TRIP11: variants seen among roughly 807,000 people sequenced by gnomAD.
TRIP11 encodes thyroid receptor-interacting protein 11.
In TRIP11, 148 loss-of-function variants were observed where a neutral mutation model predicts 223.1. The ratio of observed to expected loss-of-function variants is 0.66; its 90% CI spans 0.58 to 0.76. The LOEUF is 0.76. TRIP11 is among the 30% of genes least tolerant of loss of function. The probability of loss-of-function intolerance (pLI) is 0.00; values close to 1 mark genes in which losing one functional copy is unlikely to be tolerated. For synonymous variants in TRIP11, 762 were observed against 772.6 expected (o/e 0.99, Z 0.23); for missense variants, 2,043 against 2,222.0 (o/e 0.92, Z 1.62).
At chr14:92,010,893 T>C in intron 9 of TRIP11, 93 bp downstream of exon 9, 1 of 1,172,208 alleles carries the variant, frequency 8.5e-7, no homozygotes, top group Non-Finnish European at 1.3e-6. Flanking sequence ...TTGAGCTCAA[T>C]TACTCAACAT....
At chr14:91,977,667 T>G (rs1420700392) in intron 16 of TRIP11, among the ~76,000 whole-genome samples, 3 of 152,004 alleles carry the variant, frequency 2.0e-5, no homozygotes, top group Non-Finnish European at 4.4e-5. Context: ...GCCCTCACCT[T>G]TCATGTCTCT....
In TRIP11 at chr14:92,015,711, T is replaced by C. The variant is rs1269596445; in HGVS notation, c.808A>G (p.Asn270Asp). 1 of 1,610,294 alleles carries C rather than the reference T, an allele frequency of 6.2e-7. No individual in the cohort carries two copies. The highest frequency in any genetic ancestry group is 8.5e-7 in the Non-Finnish European group (1 of 1,178,872). ...DYEERIEELE[N>D]LLQQGGSGVI... The stretch of plus-strand genomic sequence containing the variant: ...AACTAATAACCTTGTTGTAACAGAT[T>C]TTCAAGTTCTTCAATTCGTTCTTCA... The change falls in exon 6 of 21, where the codon AAT becomes GAT. Residue 270 changes from asparagine to aspartate, a missense_variant. Physicochemically the swap from Asn to Asp is conservative, Grantham distance 23 (BLOSUM62 1). Coordinates refer to ENST00000267622, the MANE Select transcript of TRIP11 (RefSeq NM_004239.4).
rs1555383823 is a variant in TRIP11 at position 91,979,272 on chromosome 14, A to AG, written c.5261-3084_5261-3083insC. On this transcript the variant is annotated intron_variant, in intron 16 of 20. Transcript: ENST00000267622. ...ACCCTGTCTCCAAAAAAAAAAAAAA[A>AG]AGAGAGAGAGAGAGAGAAAGTGAAA... Among the ~76,000 whole-genome samples the AG allele has an allele frequency of 4.3e-3, 640 of 150,128 alleles. 4 individuals are homozygous for AG. Among genetic ancestry groups the AG allele is most frequent in the African/African-American group, 8.5e-3 (342 of 40,216 alleles).
chr14:91,975,727 T>G (rs1164755346), intron 17 of TRIP11, among the ~76,000 whole-genome samples: 1 of 152,106 alleles, frequency 6.6e-6, no homozygotes, highest in African/African-American at 2.4e-5. Flanking sequence ...TTAAATGAGC[T>G]ACTGTTGCAT....
chr14:92,029,802 G>T lies in TRIP11; in HGVS notation c.201+3390C>A, dbSNP rs538117891. ...AAGATTAATGCAGAGACAGAAAGCA[G>T]CATCCTAGAGTCTAATGGTTATGGT... On this transcript the variant is annotated intron_variant, in intron 2 of 20. Transcript: ENST00000267622. Among the ~76,000 whole-genome samples the T allele has an allele frequency of 3.5e-4, 53 of 152,344 alleles. No individual in the cohort carries two copies. In the South Asian group the frequency reaches 9.1e-3, roughly 26 times the overall value.
chr14:92,036,868 G>A (rs2057330843), intron 1 of TRIP11, among the ~76,000 whole-genome samples: 1 of 152,080 alleles, frequency 6.6e-6, no homozygotes, highest in Non-Finnish European at 1.5e-5. Flanking sequence ...CCAAGTAGGT[G>A]AGACTACAGG....
intron 3 of TRIP11, among the ~76,000 whole-genome samples, chr14:92,023,858 T>C (rs1162053360): frequency 5.5e-5 from 7 of 127,528 alleles, no homozygotes; most frequent in Non-Finnish European, 8.0e-5. Flanking sequence ...TCTGCTGAAC[T>C]TTTTTTTTTT....
In TRIP11 at chr14:91,969,658, T is replaced by C. The variant is rs1302650533; in HGVS notation, c.*15A>G. ...TTTCTTTAAAGTGCTAGATTGTCTCTGGCTTGAGAATCATCTATTGCTTTA... is the reference window on the plus strand; with the variant it reads ...TTTCTTTAAAGTGCTAGATTGTCTCCGGCTTGAGAATCATCTATTGCTTTA... On this transcript the variant is annotated 3_prime_UTR_variant, in exon 21 of 21. Transcript: ENST00000267622. 9.3e-6 allele frequency: 15 copies of C among 1,611,112 alleles called. No homozygotes were observed. The highest frequency in any genetic ancestry group is 1.3e-5 in the Non-Finnish European group (15 of 1,179,086).
intron 16 of TRIP11, among the ~76,000 whole-genome samples, chr14:91,980,924 G>C (rs900015885): frequency 6.9e-6 from 1 of 144,236 alleles, no homozygotes; most frequent in Non-Finnish European, 1.5e-5. Context: ...CTAGAAATTA[G>C]ATCTTTTTTA....
At chr14:92,006,540 A>C (rs1327287259) in intron 10 of TRIP11, 92 bp from the exon 11 acceptor site, 2 of 1,300,744 alleles carry the variant, frequency 1.5e-6, no homozygotes, top group Non-Finnish European at 2.1e-6. Context: ...AATAGAAAAT[A>C]ATCCTCAAAT....
At chr14:92,039,419 T>C in intron 1 of TRIP11, 128 bp downstream of exon 1, 1 of 974,410 alleles carries the variant, frequency 1.0e-6, no homozygotes, top group Non-Finnish European at 1.5e-6. Context: ...AGGAGGTGTG[T>C]GAAGAAAAAA....
chr14:92,017,581 T>C (rs1017097447), intron 5 of TRIP11, 101 bp downstream of exon 5: 1 of 881,866 alleles, frequency 1.1e-6, no homozygotes, highest in Non-Finnish European at 1.8e-6. Context: ...TATATAATGA[T>C]AATGACTTTT....
In TRIP11 at chr14:92,000,069, T is replaced by C. The variant is rs374352137; in HGVS notation, c.4597A>G (p.Lys1533Glu). Residue 1533 changes from lysine to glutamate, a missense_variant, in exon 12 of 21, where the codon AAA (lysine) becomes GAA (glutamate). By Grantham distance (56) the Lys-to-Glu change is moderately conservative. Coordinates refer to ENST00000267622, the MANE Select transcript of TRIP11 (RefSeq NM_004239.4). ...GELNQLLNAV[K>E]SMQEKTVVFQ... ...ACAACTGTCTTCTCCTGCATTGATT[T>C]AACTGCATTTAAAAGCTGATTTAAC... 1 of 1,613,948 alleles carries C rather than the reference T, an allele frequency of 6.2e-7. No individual in the cohort carries two copies. Among genetic ancestry groups the C allele is most frequent in the African/African-American group, 1.3e-5 (1 of 74,928 alleles).
rs1407130480 is a variant in TRIP11 at position 92,004,179 on chromosome 14, T to C, written c.3797A>G (p.Asp1266Gly). 3 of 1,614,192 alleles carry C rather than the reference T, an allele frequency of 1.9e-6. No individual in the cohort carries two copies. Among genetic ancestry groups the C allele is most frequent in the Middle Eastern group, 3.3e-4 (2 of 6,062 alleles). ...ATAACTTTGGATCAGGCCAGTATAGTCCACTTGTAATTTAGAATTATTATC... is the reference window on the plus strand; with the variant it reads ...ATAACTTTGGATCAGGCCAGTATAGCCCACTTGTAATTTAGAATTATTATC... ...DSDNNSKLQVDYTGLIQSYEQ... is the reference protein window; with the variant it reads ...DSDNNSKLQVGYTGLIQSYEQ... The change falls in exon 11 of 21, where the codon GAC (aspartate) becomes GGC (glycine). Residue 1266 changes from aspartate (D) to glycine (G), a missense_variant. Physicochemically the swap from Asp to Gly is moderately conservative, Grantham distance 94. Coordinates refer to ENST00000267622, the MANE Select transcript of TRIP11 (RefSeq NM_004239.4).
At chr14:91,992,217 A>G (rs1197830327) in intron 15 of TRIP11, among the ~76,000 whole-genome samples, 1 of 151,978 alleles carries the variant, frequency 6.6e-6, no homozygotes, top group East Asian at 1.9e-4. Context: ...CCTATGTGAT[A>G]AGAACCATAA....
Position 92,015,680 on chromosome 14 carries a change from A to G in TRIP11, c.823+16T>C. ...CTCAAAAAAAATAATAATAATAAAG[A>G]AATAAAACTAATAACCTTGTTGTAA... On this transcript the variant is annotated intron_variant, in intron 6 of 20. Coordinates refer to ENST00000267622, the MANE Select transcript of TRIP11 (RefSeq NM_004239.4). 1 of 1,583,384 alleles carries G rather than the reference A, an allele frequency of 6.3e-7. No homozygotes were observed.
Position 91,978,890 on chromosome 14 carries a change from A to G in TRIP11, c.5261-2701T>C, listed in dbSNP as rs2056500319. On this transcript the variant is annotated intron_variant, in intron 16 of 20. Transcript: ENST00000267622. This position sits in a 1 kb window ranked among gnomAD's most constrained non-coding sequence, Gnocchi z 4.4. The stretch of plus-strand genomic sequence containing the variant: ...AAATTTAAAATTGCACGTGGCTCAC[A>G]GTATATTCCTACTGGACAGTACTGC... 6.6e-6 allele frequency among the ~76,000 whole-genome samples: 1 copy of G among 152,234 alleles called. No homozygotes were observed. Among genetic ancestry groups the G allele is most frequent in the African/African-American group, 2.4e-5 (1 of 41,462 alleles).
chr14:91,990,138 A>G (rs1737676438), intron 15 of TRIP11, among the ~76,000 whole-genome samples: 1 of 152,090 alleles, frequency 6.6e-6, no homozygotes, highest in Non-Finnish European at 1.5e-5. Flanking sequence ...CACCCTACTG[A>G]TCCTGCTTTT....
intron 10 of TRIP11, among the ~76,000 whole-genome samples, chr14:92,006,917 C>T (rs987945498): frequency 3.9e-5 from 6 of 152,204 alleles, no homozygotes; most frequent in Admixed American, 6.5e-5. Flanking sequence ...ATCTGCCTGC[C>T]TCAGCCTCCC....
Sources: gnomAD v4.1 joint callset for allele counts (sites outside exome capture counted in the v4.1 genomes callset) on GRCh38, gnomAD v4.1.1 for gene constraint, Gnocchi (gnomAD v3.1) non-coding constraint, MANE v1.5 for transcripts, NCBI Gene and HGNC (gene_info 2026-07-23, HGNC 2026-07-21) for gene names.